Variants in KSR1 observed in about 807,000 individuals in gnomAD.
KSR1 encodes the protein kinase suppressor of ras.
Under a neutral mutation model 92.9 loss-of-function variants are expected in KSR1, and 35 were observed. The ratio of observed to expected loss-of-function variants is 0.38; its 90% CI spans 0.29 to 0.50. KSR1 has a LOEUF of 0.50. Among genes scored for constraint, KSR1 ranks in the 20% least tolerant of loss-of-function variants. The pLI is 0.94. For synonymous variants in KSR1, 467 were observed against 472.6 expected, an observed-to-expected ratio of 0.99 and a Z score of 0.15; for missense variants, 972 against 1,158.5, an observed-to-expected ratio of 0.84 and a Z score of 2.34.
intron 1 of KSR1, among the ~76,000 whole-genome samples, chr17:27,502,280 G>A (rs931251077): frequency 2.6e-5 from 4 of 152,188 alleles, no homozygotes; most frequent in Non-Finnish European, 5.9e-5. Context: ...CCATCCTGAG[G>A]CTTGTCTTTG....
chr17:27,530,650 A>G (rs1349720130), intron 1 of KSR1, among the ~76,000 whole-genome samples: 1 of 152,168 alleles, frequency 6.6e-6, no homozygotes, highest in South Asian at 2.1e-4. Flanking sequence ...TATTATTCCC[A>G]TTCATAGCCT....
intron 1 of KSR1, among the ~76,000 whole-genome samples, chr17:27,524,285 G>A (rs1291799457): frequency 6.6e-6 from 1 of 152,060 alleles, no homozygotes; most frequent in African/African-American, 2.4e-5. Context: ...GTGGGAGTGA[G>A]AACATGGACT....
In KSR1 at chr17:27,577,511, C is replaced by T. The variant is rs771240772; in HGVS notation, c.392C>T (p.Thr131Met). Residue 131 changes from threonine to methionine, a missense_variant, in exon 3 of 21, where the codon ACG becomes ATG. Transcript: ENST00000644974. This position sits in a 1 kb window ranked among gnomAD's most constrained non-coding sequence, Gnocchi z 4.5. ...CCTTAGGAGATCCCCCGAGACCTCA[C>T]GCTGGATGCCCTGCTGGAGATGAAT... Reference protein sequence around the residue: ...EVVQEIPRDLTLDALLEMNEA... With the variant: ...EVVQEIPRDLMLDALLEMNEA... 4 of 1,587,654 alleles carry T rather than the reference C, an allele frequency of 2.5e-6. No homozygotes were observed. The highest frequency in any genetic ancestry group is 2.1e-4 in the Middle Eastern group (1 of 4,738).
intron 9 of KSR1, among the ~76,000 whole-genome samples, chr17:27,596,003 A>C (rs1251391923): frequency 2.0e-5 from 3 of 152,210 alleles, no homozygotes; most frequent in Non-Finnish European, 4.4e-5. Flanking sequence ...AGTGCCGCCC[A>C]AACTTCATCA....
intron 11 of KSR1, among the ~76,000 whole-genome samples, chr17:27,603,606 C>G (rs1367769183): frequency 6.6e-6 from 1 of 152,162 alleles, no homozygotes; most frequent in Non-Finnish European, 1.5e-5. Context: ...GCCCAGAGCC[C>G]CTTCCTGAGA....
At chr17:27,609,589 G>A (rs968197356) in intron 16 of KSR1, among the ~76,000 whole-genome samples, 1 of 152,222 alleles carries the variant, frequency 6.6e-6, no homozygotes, top group Non-Finnish European at 1.5e-5. Flanking sequence ...CAAGGAACCA[G>A]GTCATTTCCC....
intron 1 of KSR1, among the ~76,000 whole-genome samples, chr17:27,539,760 A>G (rs778655916): frequency 6.6e-6 from 1 of 152,156 alleles, no homozygotes; most frequent in South Asian, 2.1e-4. Flanking sequence ...AACACATGAG[A>G]TATTGGGGGG....
At chr17:27,470,808 C>A (rs2150921319) in intron 1 of KSR1, among the ~76,000 whole-genome samples, 1 of 152,084 alleles carries the variant, frequency 6.6e-6, no homozygotes, top group South Asian at 2.1e-4. Flanking sequence ...CATTTTTTGA[C>A]CTTGTTAGAT....
At chr17:27,486,592 CA>C (rs2068672306) in intron 1 of KSR1, among the ~76,000 whole-genome samples, 1 of 152,188 alleles carries the variant, frequency 6.6e-6, no homozygotes. Context: ...AGGCTGGAGG[CA>C]GCAGCCCCGG....
intron 2 of KSR1, among the ~76,000 whole-genome samples, chr17:27,567,497 C>T (rs1047701672): frequency 9.9e-5 from 15 of 152,164 alleles, no homozygotes; most frequent in African/African-American, 3.6e-4. Context: ...CATCTGCCAC[C>T]TTCTAAGCCA....
Position 27,535,135 on chromosome 17 carries a change from A to T in KSR1, c.232-15433A>T, listed in dbSNP as rs140361004. ...GGTTTTAATCTATGAATTTAAAATC[A>T]TGCTTTCCTGGGTGGGAGTTGGGGT... On this transcript the variant is annotated intron_variant, in intron 1 of 20. Coordinates refer to ENST00000644974, the MANE Select transcript of KSR1 (RefSeq NM_001394583.1). Among the ~76,000 whole-genome samples the T allele has an allele frequency of 5.5e-4, 83 of 151,346 alleles. No individual in the cohort carries two copies. In the East Asian group the frequency reaches 0.015, roughly 28 times the overall value.
At chr17:27,483,821 C>T (rs1421721727) in intron 1 of KSR1, 1 of 152,250 alleles carries the variant, frequency 6.6e-6, no homozygotes, top group East Asian at 1.9e-4. Flanking sequence ...CGTGAAGTCA[C>T]CTTCTGCTGA....
intron 1 of KSR1, among the ~76,000 whole-genome samples, chr17:27,547,491 G>A (rs188383510): frequency 6.6e-6 from 1 of 152,310 alleles, no homozygotes; most frequent in Admixed American, 6.5e-5. Context: ...TCACAGTTGT[G>A]GAGCTATCTG....
chr17:27,562,096 A>G (rs1037842235), intron 2 of KSR1, among the ~76,000 whole-genome samples: 1 of 152,054 alleles, frequency 6.6e-6, no homozygotes, highest in East Asian at 1.9e-4. Context: ...TCTGCCCGCC[A>G]TGGCCTCCCA....
rs185875030 is a variant in KSR1, at chr17:27,525,043, C to T, written c.232-25525C>T. ...TGAAAATGTGATCATTCTAGACACACAGAATTGTGCTCTCAGTCACCCGCA... is the reference window on the plus strand; with the variant it reads ...TGAAAATGTGATCATTCTAGACACATAGAATTGTGCTCTCAGTCACCCGCA... On this transcript the variant is annotated intron_variant, in intron 1 of 20. Transcript: ENST00000644974. Among the ~76,000 whole-genome samples, 3 of 152,352 alleles carry T rather than the reference C, an allele frequency of 2.0e-5. No individual in the cohort carries two copies. In the East Asian group the frequency reaches 5.8e-4, roughly 29 times the overall value.
rs560425033 is a variant in KSR1 at position 27,557,761 on chromosome 17, T to G, written c.372+7053T>G. On this transcript the variant is annotated intron_variant, in intron 2 of 20. Coordinates refer to ENST00000644974, the MANE Select transcript of KSR1 (RefSeq NM_001394583.1). ...GGTGAGGTGGTTCGGAGAGACCATGTGGAGTGGTACCTTCCCCTGAACCCT... is the reference window on the plus strand; with the variant it reads ...GGTGAGGTGGTTCGGAGAGACCATGGGGAGTGGTACCTTCCCCTGAACCCT... 2.8e-4 allele frequency among the ~76,000 whole-genome samples: 42 copies of G among 152,292 alleles called. 1 individual carries two copies. The highest frequency in any genetic ancestry group is 2.7e-3 in the Admixed American group (41 of 15,304).
chr17:27,623,276 A>C, intron 20 of KSR1, 38 bp from the exon 21 acceptor site: 1 of 753,358 alleles, frequency 1.3e-6, no homozygotes, highest in East Asian at 2.4e-5. Context: ...GATGAAGATC[A>C]ATGGGGCTAT....
At chr17:27,539,591 G>A (rs2070884404) in intron 1 of KSR1, among the ~76,000 whole-genome samples, 1 of 152,322 alleles carries the variant, frequency 6.6e-6, no homozygotes. Context: ...ATTGGGAAGA[G>A]GTTTGGTTGT....
chr17:27,609,826 C>T lies in KSR1; in HGVS notation c.2226-241C>T, dbSNP rs2073865665. ...AGCTGGGCACCTTCACCAGCAGCTC[C>T]CTGTCAATATTTATCCATTCTTGCC... On this transcript the variant is annotated intron_variant, in intron 16 of 20. Transcript: ENST00000644974. 9.2e-6 allele frequency: 4 copies of T among 433,974 alleles called. No individual in the cohort carries two copies. In the South Asian group the frequency reaches 1.2e-4, roughly 13 times the overall value. 26.9% of individuals were successfully genotyped at this position (433,974 alleles called of 1,614,324 possible). A position where few individuals can be genotyped will look rare whatever the true frequency, so the allele number is the denominator to read the frequency against.
Sources: gnomAD v4.1 joint callset for allele counts (sites outside exome capture counted in the v4.1 genomes callset) on GRCh38, gnomAD v4.1.1 for gene constraint, Gnocchi (gnomAD v3.1) non-coding constraint, MANE v1.5 for transcripts, NCBI Gene and HGNC (gene_info 2026-07-23, HGNC 2026-07-21) for gene names.